PHYHIPL: variants seen among roughly 807,000 people sequenced by gnomAD.
The protein encoded by PHYHIPL is phytanoyl-CoA 2-hydroxylase interacting protein like.
A neutral mutation model predicts 33.4 loss-of-function variants in PHYHIPL; 9 were observed. The ratio of observed to expected loss-of-function variants is 0.27; its 90% confidence interval spans 0.16 to 0.47. The LOEUF is 0.47. Ranked by LOEUF, PHYHIPL falls within the 20% of genes least tolerant of loss-of-function variation. The pLI, the probability that PHYHIPL is intolerant of heterozygous loss-of-function variation, is 0.99. For missense variants in PHYHIPL, 365 were observed against 460.7 expected (o/e 0.79, Z 1.90); for synonymous variants, 153 against 154.1 (o/e 0.99, Z 0.05).
At position 59,245,284 on chromosome 10, in the gene PHYHIPL, A is replaced by C. The variant is rs1254345983; in HGVS notation, c.824A>C (p.Tyr275Ser). The C allele has an allele frequency of 6.2e-7, 1 of 1,614,182 alleles. No homozygotes were observed. Among genetic ancestry groups the C allele is most frequent in the Admixed American group, 1.7e-5 (1 of 60,028 alleles). ...NLYFGDFYCMYTAYHYVILVI... is the reference protein window; with the variant it reads ...NLYFGDFYCMSTAYHYVILVI... The stretch of plus-strand genomic sequence containing the variant: ...TACTTTGGGGACTTCTACTGTATGT[A>C]CACTGCTTATCATTATGTGATTCTT... The change falls in exon 5 of 5, where the codon TAC (tyrosine) becomes TCC (serine). Residue 275 changes from tyrosine (Y) to serine (S), a missense_variant. Physicochemically the swap from Tyr to Ser is moderately radical, Grantham distance 144 (BLOSUM62 -2). Transcript: ENST00000373880.
chr10:59,202,610 T>G (rs1188509666), intron 1 of PHYHIPL, among the ~76,000 whole-genome samples: 4 of 152,208 alleles, frequency 2.6e-5, no homozygotes, highest in Non-Finnish European at 4.4e-5. Flanking sequence ...TTTGAGTGCT[T>G]AAATAGTATT....
intron 1 of PHYHIPL, among the ~76,000 whole-genome samples, chr10:59,204,640 G>A (rs1839234510): frequency 6.6e-6 from 1 of 151,976 alleles, no homozygotes; most frequent in South Asian, 2.1e-4. Flanking sequence ...TATTTTAAGT[G>A]TGACCTTTTA....
intron 1 of PHYHIPL, among the ~76,000 whole-genome samples, chr10:59,213,810 CTCAA>C (rs1457708304): frequency 1.3e-5 from 2 of 152,166 alleles, no homozygotes; most frequent in Non-Finnish European, 2.9e-5. Flanking sequence ...TTTTAAGTGA[CTCAA>C]TCAGTGTTAA....
chr10:59,182,258 T>C (rs1838431314), intron 1 of PHYHIPL, among the ~76,000 whole-genome samples: 1 of 152,224 alleles, frequency 6.6e-6, no homozygotes, highest in Admixed American at 6.5e-5. Context: ...TATTGCTGTA[T>C]GTGAATCTTT....
chr10:59,224,018 T>C (rs1018198047), intron 1 of PHYHIPL, among the ~76,000 whole-genome samples: 7 of 152,130 alleles, frequency 4.6e-5, no homozygotes, highest in African/African-American at 1.7e-4. Flanking sequence ...ATGATGTGAA[T>C]AAAAAGTAGG....
intron 1 of PHYHIPL, among the ~76,000 whole-genome samples, chr10:59,212,495 C>T (rs1319048276): frequency 6.6e-6 from 1 of 152,202 alleles, no homozygotes; most frequent in Admixed American, 6.5e-5. Flanking sequence ...AGGCATACTT[C>T]AACCACTCCT....
In PHYHIPL at chr10:59,225,931, C is replaced by T. The variant is rs1409541830; in HGVS notation, c.107-8373C>T. On this transcript the variant is annotated intron_variant, in intron 1 of 4. Transcript: ENST00000373880. ...CTACCTAAGAAAAAACAAAATGAGA[C>T]CTATCTATGAAACAATTCTACAGAG... is the stretch of plus-strand genomic sequence containing the variant. 2.0e-5 allele frequency among the ~76,000 whole-genome samples: 3 copies of T among 151,920 alleles called. No homozygotes were observed. The East Asian group carries it at 5.8e-4, about 29-fold the overall frequency.
intron 3 of PHYHIPL, among the ~76,000 whole-genome samples, chr10:59,237,464 T>G (rs1259422480): frequency 6.6e-6 from 1 of 151,900 alleles, no homozygotes; most frequent in African/African-American, 2.4e-5. Flanking sequence ...CTGTTTCCTA[T>G]AAAAAACTAT....
At chr10:59,217,403 T>G (rs889532911) in intron 1 of PHYHIPL, among the ~76,000 whole-genome samples, 2 of 152,012 alleles carry the variant, frequency 1.3e-5, no homozygotes, top group African/African-American at 4.8e-5. Flanking sequence ...TCAATAACTA[T>G]TATGTATATA....
chr10:59,192,981 T>G (rs1008395780), intron 1 of PHYHIPL, among the ~76,000 whole-genome samples: 4 of 152,130 alleles, frequency 2.6e-5, no homozygotes, highest in African/African-American at 9.7e-5. Context: ...GGGAGAGAGT[T>G]TGAGAATAAA....
rs1234543946 is a variant in PHYHIPL, at chr10:59,176,770, C to G, written c.-84C>G. On this transcript the variant is annotated 5_prime_UTR_variant, in exon 1 of 5. Coordinates refer to ENST00000373880, the MANE Select transcript of PHYHIPL (RefSeq NM_032439.4). Reference sequence around the variant, plus strand: ...TCCTTCCCTCCCTCTGCCACTCCCCCTCCCTTTCCCGCTCTTCTTGCCCAC... The same window carrying G: ...TCCTTCCCTCCCTCTGCCACTCCCCGTCCCTTTCCCGCTCTTCTTGCCCAC... 4.8e-6 allele frequency: 6 copies of G among 1,262,772 alleles called. No homozygotes were observed. The highest frequency in any genetic ancestry group is 2.1e-5 in the Admixed American group (1 of 47,784). 78.2% of individuals were successfully genotyped at this position (1,262,772 alleles called of 1,614,324 possible). A position where few individuals can be genotyped will look rare whatever the true frequency, so the allele number is the denominator to read the frequency against.
In PHYHIPL at chr10:59,178,843, G is replaced by A; in HGVS notation, c.106+1884G>A. Among the ~76,000 whole-genome samples, 4 of 152,174 alleles carry A rather than the reference G, an allele frequency of 2.6e-5. 1 individual carries two copies. In the South Asian group the frequency reaches 8.3e-4, roughly 32 times the overall value. On this transcript the variant is annotated intron_variant, in intron 1 of 4. Transcript: ENST00000373880. ...TTTTAGTTGTTTCTTTTCAAATTAG[G>A]AATCCCACAAAATGAACAAATTATG...
intron 1 of PHYHIPL, among the ~76,000 whole-genome samples, chr10:59,177,856 C>A (rs1170371311): frequency 6.6e-6 from 1 of 152,100 alleles, no homozygotes; most frequent in African/African-American, 2.4e-5. Flanking sequence ...AATTGGTTGG[C>A]CGAATAATTG....
intron 1 of PHYHIPL, among the ~76,000 whole-genome samples, chr10:59,216,596 T>C (rs554502922): frequency 1.3e-5 from 2 of 152,234 alleles, no homozygotes; most frequent in African/African-American, 4.8e-5. Context: ...TAGCATGTTC[T>C]AAACCTCATC....
chr10:59,207,076 C>T (rs1839305083), intron 1 of PHYHIPL, among the ~76,000 whole-genome samples: 2 of 152,252 alleles, frequency 1.3e-5, no homozygotes, highest in South Asian at 4.1e-4. Context: ...ATGTAAGGTA[C>T]ATTTTAAGTA....
At chr10:59,233,002 G>T (rs1322672503) in intron 1 of PHYHIPL, among the ~76,000 whole-genome samples, 2 of 151,868 alleles carry the variant, frequency 1.3e-5, no homozygotes, top group African/African-American at 4.8e-5. Flanking sequence ...GACCTGATGG[G>T]GAGGAAAGTA....
At chr10:59,244,971 T>A (rs1189980557) in intron 4 of PHYHIPL, 86 bp from the exon 5 acceptor site, 1 of 1,382,910 alleles carries the variant, frequency 7.2e-7, no homozygotes, top group Non-Finnish European at 9.8e-7. Flanking sequence ...TAACAGTAGA[T>A]GTTTGACTTT....
At chr10:59,224,861 C>A (rs995163503) in intron 1 of PHYHIPL, among the ~76,000 whole-genome samples, 9 of 151,988 alleles carry the variant, frequency 5.9e-5, no homozygotes, top group African/African-American at 2.2e-4. Context: ...ATTGACTAGA[C>A]CTCTAAAGCC....
chr10:59,213,808 G>A (rs908688334), intron 1 of PHYHIPL, among the ~76,000 whole-genome samples: 1 of 152,192 alleles, frequency 6.6e-6, no homozygotes, highest in Non-Finnish European at 1.5e-5. Context: ...GATTTTAAGT[G>A]ACTCAATCAG....
Sources: gnomAD v4.1 joint callset for allele counts (sites outside exome capture counted in the v4.1 genomes callset) on GRCh38, gnomAD v4.1.1 for gene constraint, MANE v1.5 for transcripts, NCBI Gene and HGNC (gene_info 2026-07-23, HGNC 2026-07-21) for gene names.